Variants in MATN2 observed in about 807,000 individuals in gnomAD.
MATN2 encodes the protein matrilin-2.
Under a neutral mutation model 103.2 loss-of-function variants are expected in MATN2, and 69 were observed. The observed-to-expected ratio is 0.67, with a 90% CI of 0.55 to 0.82. MATN2 has a LOEUF of 0.82. Among genes scored for constraint, MATN2 ranks in the 40% least tolerant of loss-of-function variants. The pLI, the probability that MATN2 is intolerant of heterozygous loss-of-function variation, is 0.00. For missense variants in MATN2, 1,023 were observed against 1,211.5 expected (o/e 0.84, Z 2.31); for synonymous variants, 429 against 450.2 (o/e 0.95, Z 0.60).
intron 12 of MATN2, among the ~76,000 whole-genome samples, chr8:98,020,556 A>G (rs963025417): frequency 6.6e-6 from 1 of 152,202 alleles, no homozygotes; most frequent in Non-Finnish European, 1.5e-5. Flanking sequence ...CTACCTCTGG[A>G]ATTTGATCCT....
At chr8:97,984,402 T>C (rs1812127650) in intron 6 of MATN2, among the ~76,000 whole-genome samples, 1 of 152,258 alleles carries the variant, frequency 6.6e-6, no homozygotes, top group Non-Finnish European at 1.5e-5. Context: ...CTTAGTAGAC[T>C]AGCCAGGCAT....
intron 6 of MATN2, among the ~76,000 whole-genome samples, chr8:97,984,755 A>G (rs1251261073): frequency 6.6e-6 from 1 of 152,224 alleles, no homozygotes; most frequent in South Asian, 2.1e-4. Flanking sequence ...AGTATCTACT[A>G]TGTGTCAGAT....
chr8:97,999,587 G>T (rs1241687912), intron 7 of MATN2, among the ~76,000 whole-genome samples: 1 of 152,200 alleles, frequency 6.6e-6, no homozygotes, highest in African/African-American at 2.4e-5. Flanking sequence ...CTGGCACTCA[G>T]TTATGGCCTG....
In MATN2 at chr8:97,937,472, T is replaced by C. The variant is rs1221370792; in HGVS notation, c.713-4305T>C. Among the ~76,000 whole-genome samples the C allele has an allele frequency of 1.3e-5, 2 of 152,184 alleles. 1 individual carries two copies. The highest frequency in any genetic ancestry group is 1.3e-4 in the Admixed American group (2 of 15,280). On this transcript the variant is annotated intron_variant, in intron 3 of 18. Coordinates refer to ENST00000254898, the MANE Select transcript of MATN2 (RefSeq NM_002380.5). ...CCTTTTCCATTACACCAAGTTATAA[T>C]CTTTTTTAGTTCCAGTTTCTCTTAT...
Position 97,930,334 on chromosome 8 carries a change from T to G in MATN2, c.143-619T>G, listed in dbSNP as rs1330650948. ...TGCAGTGCCCAGCCAAGCTTATGTG[T>G]CATGCAGTAAAGAATAAAATAATTT... On this transcript the variant is annotated intron_variant, in intron 2 of 18. Transcript: ENST00000254898. Among the ~76,000 whole-genome samples, 7 of 152,226 alleles carry G rather than the reference T, an allele frequency of 4.6e-5. No individual in the cohort carries two copies. The East Asian group carries it at 1.3e-3, about 29-fold the overall frequency.
intron 2 of MATN2, among the ~76,000 whole-genome samples, chr8:97,901,313 T>G (rs1013282726): frequency 9.2e-5 from 14 of 152,006 alleles, no homozygotes; most frequent in African/African-American, 3.4e-4. Context: ...AGTGCAGTGG[T>G]GTGTTCTGGG....
Position 97,892,953 on chromosome 8 carries a change from C to G in MATN2, c.142+4711C>G, listed in dbSNP as rs564801934. On this transcript the variant is annotated intron_variant, in intron 2 of 18. Coordinates refer to ENST00000254898, the MANE Select transcript of MATN2 (RefSeq NM_002380.5). ...ATGAGGATGGAGTGTGGCAGTGGGG[C>G]TCCGATGTGGCGCTGGGTCTGCCAG... 7.2e-5 allele frequency among the ~76,000 whole-genome samples: 11 copies of G among 152,268 alleles called. No individual in the cohort carries two copies. In the South Asian group the frequency reaches 1.5e-3, roughly 20 times the overall value.
rs992689131 is a variant in MATN2 at position 98,005,389 on chromosome 8, G to A, written c.1327+1606G>A. Among the ~76,000 whole-genome samples, 2 of 152,076 alleles carry A rather than the reference G, an allele frequency of 1.3e-5. No homozygotes were observed. Among genetic ancestry groups the A allele is most frequent in the African/African-American group, 2.4e-5 (1 of 41,408 alleles). On this transcript the variant is annotated intron_variant, in intron 8 of 18. Coordinates refer to ENST00000254898, the MANE Select transcript of MATN2 (RefSeq NM_002380.5). This position sits in a 1 kb window ranked among gnomAD's most constrained non-coding sequence, Gnocchi z 4.6. ...TCTGTGTGTATCCTGCCTGTTTCCC[G>A]GAGTGTCAGGTCTGCCAGCTGATGG... is the stretch of plus-strand genomic sequence containing the variant.
intron 2 of MATN2, among the ~76,000 whole-genome samples, chr8:97,903,616 G>A (rs1039157232): frequency 7.9e-4 from 121 of 152,214 alleles, no homozygotes; most frequent in African/African-American, 2.8e-3. Context: ...TATCCTAGGC[G>A]GGAACTGGGA....
intron 3 of MATN2, among the ~76,000 whole-genome samples, chr8:97,941,454 T>C (rs1810563665): frequency 6.6e-6 from 1 of 152,216 alleles, no homozygotes; most frequent in Admixed American, 6.5e-5. Flanking sequence ...CTGGCAAACT[T>C]TTCTGATTCC....
chr8:97,954,974 T>C (rs6992113), intron 4 of MATN2, among the ~76,000 whole-genome samples: 23,589 of 151,564 alleles, frequency 0.16, 2,073 homozygotes, highest in South Asian at 0.36. Flanking sequence ...CTAAAGGAGG[T>C]ATGAGAGTTA....
At chr8:98,034,806 C>CT (rs1814176175) in intron 18 of MATN2, among the ~76,000 whole-genome samples, 1 of 151,658 alleles carries the variant, frequency 6.6e-6, no homozygotes, top group African/African-American at 2.4e-5. Context: ...AGGCCGAATT[C>CT]TTTCATTGTC....
chr8:97,869,499 C>T (rs1421197018), intron 1 of MATN2, among the ~76,000 whole-genome samples: 2 of 152,110 alleles, frequency 1.3e-5, no homozygotes, highest in East Asian at 1.9e-4. Flanking sequence ...CCCGACCCCT[C>T]GGCCGGGAGA....
chr8:97,947,728 T>C (rs562373001), intron 4 of MATN2, among the ~76,000 whole-genome samples: 55 of 152,326 alleles, frequency 3.6e-4, no homozygotes, highest in African/African-American at 1.3e-3. Context: ...TTCAAAATCC[T>C]AGCAGACCTA....
intron 2 of MATN2, among the ~76,000 whole-genome samples, chr8:97,923,331 C>A (rs1313655826): frequency 6.6e-6 from 1 of 152,074 alleles, no homozygotes; most frequent in Non-Finnish European, 1.5e-5. Context: ...TTTTGGGTCA[C>A]CCTTCGGTAA....
At chr8:98,025,541 T>G in intron 13 of MATN2, 2 of 253,142 alleles carry the variant, frequency 7.9e-6, no homozygotes, top group Non-Finnish European at 1.6e-5. Context: ...AGGTCAGGAG[T>G]TCGAAATCAG....
At chr8:97,969,208 T>C (rs1326540083) in intron 5 of MATN2, among the ~76,000 whole-genome samples, 1 of 152,204 alleles carries the variant, frequency 6.6e-6, no homozygotes, top group Non-Finnish European at 1.5e-5. Flanking sequence ...CTAAGCCATT[T>C]ATGGGGGATC....
At chr8:97,912,464 A>G (rs1809481495) in intron 2 of MATN2, among the ~76,000 whole-genome samples, 2 of 152,220 alleles carry the variant, frequency 1.3e-5, no homozygotes, top group African/African-American at 4.8e-5. Flanking sequence ...TTGGCTCAAT[A>G]GTTTTCCTTT....
At chr8:97,899,551 T>C (rs533745419) in intron 2 of MATN2, among the ~76,000 whole-genome samples, 1 of 152,316 alleles carries the variant, frequency 6.6e-6, no homozygotes, top group South Asian at 2.1e-4. Flanking sequence ...GGCTGTCTTC[T>C]CCCTGTGTCT....
Sources: allele counts gnomAD v4.1 joint callset (sites outside exome capture counted in the v4.1 genomes callset), GRCh38; gene constraint gnomAD v4.1.1; non-coding constraint Gnocchi (gnomAD v3.1); transcripts MANE v1.5; gene names NCBI Gene and HGNC (gene_info 2026-07-23, HGNC 2026-07-21).